The following NKAIN2 variants were observed in gnomAD, a reference collection of about 807,000 sequenced individuals.
NKAIN2 encodes the protein sodium/potassium transporting ATPase interacting 2, also known as sodium/potassium-transporting ATPase subunit beta-1-interacting protein 2.
NKAIN2 carries 14 observed loss-of-function variants against 32.6 expected under a neutral mutation model. That is an observed-to-expected ratio of 0.43 (90% CI 0.28 to 0.67). The LOEUF is 0.67. NKAIN2 is among the 30% of genes least tolerant of loss of function. NKAIN2 has a pLI of 0.17. For synonymous variants in NKAIN2, 80 were observed against 87.2 expected (o/e 0.92, Z 0.46); for missense variants, 198 against 258.3 (o/e 0.77, Z 1.60).
intron 1 of NKAIN2, among the ~76,000 whole-genome samples, chr6:124,222,390 G>T (rs528762222): frequency 1.7e-4 from 26 of 152,168 alleles, no homozygotes; most frequent in Non-Finnish European, 3.7e-4. Flanking sequence ...AAATAATAGA[G>T]AGTGTGTCAT....
chr6:123,912,742 A>G (rs1419990778), intron 1 of NKAIN2, among the ~76,000 whole-genome samples: 1 of 152,184 alleles, frequency 6.6e-6, no homozygotes, highest in East Asian at 1.9e-4. Flanking sequence ...TGCTGGCACC[A>G]TGTTTCTTGT....
rs570712639 is a variant in NKAIN2, at chr6:124,519,241, G to C, written c.274-138945G>C. The stretch of plus-strand genomic sequence containing the variant: ...GGGAACCTGACCAAAAAACAGTCAT[G>C]AACAAGAACCAAAAGAAGTGTAAGA... On this transcript the variant is annotated intron_variant, in intron 3 of 6. Coordinates refer to ENST00000368417, the MANE Select transcript of NKAIN2 (RefSeq NM_001040214.3). Among the ~76,000 whole-genome samples the C allele has an allele frequency of 2.0e-5, 3 of 152,294 alleles. No individual in the cohort carries two copies. The East Asian group carries it at 5.8e-4, about 29-fold the overall frequency.
intron 3 of NKAIN2, among the ~76,000 whole-genome samples, chr6:124,442,811 T>C (rs1775743888): frequency 6.6e-6 from 1 of 152,116 alleles, no homozygotes; most frequent in Admixed American, 6.6e-5. Flanking sequence ...GTCTATGTTA[T>C]GATTCTTCTT....
At chr6:124,818,150 A>G (rs1318938138) in intron 5 of NKAIN2, among the ~76,000 whole-genome samples, 3 of 152,146 alleles carry the variant, frequency 2.0e-5, no homozygotes, top group Non-Finnish European at 2.9e-5. Flanking sequence ...TACCAAGTGA[A>G]TAAATTCTTG....
chr6:124,118,549 G>A (rs1337191531), intron 1 of NKAIN2, among the ~76,000 whole-genome samples: 1 of 151,962 alleles, frequency 6.6e-6, no homozygotes, highest in African/African-American at 2.4e-5. Context: ...GAGGTTAACG[G>A]CATCCTCAAT....
chr6:124,798,338 T>G (rs528746151), intron 5 of NKAIN2, among the ~76,000 whole-genome samples: 11 of 152,320 alleles, frequency 7.2e-5, no homozygotes, highest in Non-Finnish European at 1.6e-4. Context: ...TCAAGTAAAA[T>G]GTAACATAAT....
intron 1 of NKAIN2, among the ~76,000 whole-genome samples, chr6:123,951,502 T>C (rs1236214633): frequency 6.6e-6 from 1 of 152,044 alleles, no homozygotes; most frequent in Non-Finnish European, 1.5e-5. Context: ...CCTTTATCAC[T>C]ATATAATGAC....
intron 1 of NKAIN2, among the ~76,000 whole-genome samples, chr6:124,184,228 C>T (rs2114556354): frequency 6.6e-6 from 1 of 152,108 alleles, no homozygotes; most frequent in East Asian, 1.9e-4. Context: ...CTTCTGTGTT[C>T]ATCCTCTCCT....
At chr6:123,891,472 C>G (rs1774016680) in intron 1 of NKAIN2, among the ~76,000 whole-genome samples, 1 of 151,968 alleles carries the variant, frequency 6.6e-6, no homozygotes, top group South Asian at 2.1e-4. Flanking sequence ...TTCCTTACTC[C>G]TGCATACCAA....
At chr6:124,612,028 T>C (rs1201647753) in intron 3 of NKAIN2, among the ~76,000 whole-genome samples, 1 of 152,108 alleles carries the variant, frequency 6.6e-6, no homozygotes, top group Admixed American at 6.6e-5. Flanking sequence ...TTTTAAGCCC[T>C]CTTACTTAGA....
At chr6:123,842,914 G>A (rs1246545476) in intron 1 of NKAIN2, among the ~76,000 whole-genome samples, 3 of 152,122 alleles carry the variant, frequency 2.0e-5, no homozygotes, top group Non-Finnish European at 2.9e-5. Flanking sequence ...TATCTATTCA[G>A]TGCTGTAATA....
intron 3 of NKAIN2, among the ~76,000 whole-genome samples, chr6:124,606,852 G>T (rs141315187): frequency 3.1e-4 from 47 of 152,216 alleles, no homozygotes; most frequent in African/African-American, 1.1e-3. Flanking sequence ...GAAGGGGTTA[G>T]AATCCATGTT....
chr6:124,778,200 T>C (rs961568814), intron 4 of NKAIN2, among the ~76,000 whole-genome samples: 2 of 152,152 alleles, frequency 1.3e-5, no homozygotes, highest in African/African-American at 4.8e-5. Context: ...CCTTTGTATC[T>C]TTTCAAATGT....
intron 2 of NKAIN2, among the ~76,000 whole-genome samples, chr6:124,305,857 C>A (rs1188615844): frequency 6.6e-6 from 1 of 152,168 alleles, no homozygotes; most frequent in Non-Finnish European, 1.5e-5. Flanking sequence ...ATGTTCTGTA[C>A]AAATAAAGCT....
At chr6:124,723,214 A>G (rs1776110176) in intron 4 of NKAIN2, among the ~76,000 whole-genome samples, 1 of 152,262 alleles carries the variant, frequency 6.6e-6, no homozygotes, top group African/African-American at 2.4e-5. Context: ...AAGATTATGT[A>G]GAAACAACTA....
At chr6:124,295,514 A>G (rs1562476930) in intron 2 of NKAIN2, among the ~76,000 whole-genome samples, 1 of 152,134 alleles carries the variant, frequency 6.6e-6, no homozygotes, top group Admixed American at 6.6e-5. Flanking sequence ...TTTATATCAT[A>G]TAGAATAAAT....
intron 3 of NKAIN2, among the ~76,000 whole-genome samples, chr6:124,420,267 G>GCCT (rs1296882531): frequency 1.3e-5 from 2 of 152,016 alleles, no homozygotes; most frequent in African/African-American, 4.8e-5. Context: ...CTTTGTCTTG[G>GCCT]CCTTACTCTC....
chr6:124,144,618 C>T (rs528596444), intron 1 of NKAIN2, among the ~76,000 whole-genome samples: 1 of 151,902 alleles, frequency 6.6e-6, no homozygotes. Context: ...TAATAACGGT[C>T]ATTAAAAGTT....
chr6:124,234,050 T>G (rs914650050), intron 1 of NKAIN2, among the ~76,000 whole-genome samples: 18 of 152,196 alleles, frequency 1.2e-4, no homozygotes, highest in African/African-American at 4.1e-4. Context: ...CTTGGATCTA[T>G]GTACCTCAGA....
Sources: allele counts gnomAD v4.1 joint callset (sites outside exome capture counted in the v4.1 genomes callset), GRCh38; gene constraint gnomAD v4.1.1; transcripts MANE v1.5; gene names NCBI Gene and HGNC (gene_info 2026-07-23, HGNC 2026-07-21).